CDKAL1: variants seen among roughly 807,000 people sequenced by gnomAD.
CDKAL1 encodes the protein CDKAL1 threonylcarbamoyladenosine tRNA methylthiotransferase.
CDKAL1 carries 32 observed loss-of-function variants against 68.2 expected under a neutral mutation model. That is an observed-to-expected ratio of 0.47 (90% CI 0.35 to 0.63). CDKAL1 has a LOEUF of 0.63. Ranked by LOEUF, CDKAL1 falls within the 30% of genes least tolerant of loss-of-function variation. The pLI is 0.00. For missense variants in CDKAL1, 606 were observed against 696.7 expected (o/e 0.87, Z 1.47); for synonymous variants, 234 against 244.3 (o/e 0.96, Z 0.39).
intron 15 of CDKAL1, among the ~76,000 whole-genome samples, chr6:21,221,700 G>C (rs1278740768): frequency 6.6e-6 from 1 of 152,174 alleles, no homozygotes; most frequent in Non-Finnish European, 1.5e-5. Context: ...TGAGATCTGA[G>C]CTATCAAACA....
At chr6:21,213,711 T>C (rs1035098102) in intron 15 of CDKAL1, among the ~76,000 whole-genome samples, 2 of 152,164 alleles carry the variant, frequency 1.3e-5, no homozygotes, top group East Asian at 3.9e-4. Context: ...TACTATATTA[T>C]CTGAAAATGA....
chr6:20,877,892 T>A (rs1760606148), intron 9 of CDKAL1, among the ~76,000 whole-genome samples: 1 of 152,182 alleles, frequency 6.6e-6, no homozygotes, highest in African/African-American at 2.4e-5. Context: ...GCCTTAGCCC[T>A]AACCACCCCA....
At chr6:20,928,843 C>A (rs1387741519) in intron 9 of CDKAL1, among the ~76,000 whole-genome samples, 1 of 151,786 alleles carries the variant, frequency 6.6e-6, no homozygotes, top group Non-Finnish European at 1.5e-5. Flanking sequence ...CTCCAGTATT[C>A]TTTTATAAGT....
At chr6:20,898,893 A>G (rs547117051) in intron 9 of CDKAL1, among the ~76,000 whole-genome samples, 3 of 152,256 alleles carry the variant, frequency 2.0e-5, no homozygotes, top group African/African-American at 7.2e-5. Context: ...CCCTGTACAG[A>G]ATATTAGTTC....
At chr6:21,184,732 C>T (rs1036522620) in intron 13 of CDKAL1, among the ~76,000 whole-genome samples, 4 of 151,974 alleles carry the variant, frequency 2.6e-5, no homozygotes, top group Non-Finnish European at 5.9e-5. Context: ...CTCACTGGTG[C>T]CTTGACCTCC....
chr6:21,148,421 C>CA (rs1182088737), intron 13 of CDKAL1, among the ~76,000 whole-genome samples: 2 of 152,250 alleles, frequency 1.3e-5, no homozygotes, highest in African/African-American at 2.4e-5. Flanking sequence ...ACCAGCTAGT[C>CA]AAAAAATCTA....
intron 8 of CDKAL1, among the ~76,000 whole-genome samples, chr6:20,799,046 T>TTTTTTG (rs1776248498): frequency 2.8e-5 from 3 of 106,716 alleles, no homozygotes; most frequent in Non-Finnish European, 5.6e-5. Flanking sequence ...CTGAGTTTTT[T>TTTTTTG]TTTTTTTTTT....
At chr6:21,191,302 G>A (rs1778227182) in intron 13 of CDKAL1, among the ~76,000 whole-genome samples, 2 of 152,212 alleles carry the variant, frequency 1.3e-5, no homozygotes, top group African/African-American at 4.8e-5. Context: ...GCAAGTGTGT[G>A]TTTTATCTGC....
At chr6:21,066,530 A>G (rs1771448044) in intron 12 of CDKAL1, among the ~76,000 whole-genome samples, 1 of 152,246 alleles carries the variant, frequency 6.6e-6, no homozygotes, top group South Asian at 2.1e-4. Flanking sequence ...GCAAATGCAT[A>G]TAGTAGTGCA....
chr6:20,942,646 C>T (rs1764041088), intron 9 of CDKAL1, among the ~76,000 whole-genome samples: 1 of 147,410 alleles, frequency 6.8e-6, no homozygotes, highest in Non-Finnish European at 1.5e-5. Context: ...GGATTACAGG[C>T]GTGAGCCACC....
At chr6:21,061,142 A>C (rs1771121518) in intron 11 of CDKAL1, among the ~76,000 whole-genome samples, 1 of 152,198 alleles carries the variant, frequency 6.6e-6, no homozygotes, top group Non-Finnish European at 1.5e-5. Flanking sequence ...GGCTAGAGCC[A>C]ACAAATAGTT....
At chr6:20,624,486 C>T (rs566992554) in intron 4 of CDKAL1, among the ~76,000 whole-genome samples, 9 of 151,992 alleles carry the variant, frequency 5.9e-5, no homozygotes, top group Admixed American at 4.6e-4. Context: ...GCTGCTGCAC[C>T]ATTTTATATA....
intron 5 of CDKAL1, among the ~76,000 whole-genome samples, chr6:20,709,767 G>A (rs1380519743): frequency 1.3e-5 from 2 of 152,096 alleles, no homozygotes; most frequent in African/African-American, 4.8e-5. Flanking sequence ...CATCCTTCAA[G>A]CTATTATTTT....
At chr6:21,001,334 C>T (rs1767417613) in intron 11 of CDKAL1, among the ~76,000 whole-genome samples, 1 of 152,034 alleles carries the variant, frequency 6.6e-6, no homozygotes, top group South Asian at 2.1e-4. Flanking sequence ...ATTATTTTTT[C>T]CACCTTTAAT....
intron 4 of CDKAL1, among the ~76,000 whole-genome samples, chr6:20,566,225 G>A (rs6918457): frequency 0.82 from 125,031 of 152,136 alleles, 51,952 homozygotes; most frequent in African/African-American, 0.95. Flanking sequence ...AGAAAGATCT[G>A]TCATGCAGAT....
intron 8 of CDKAL1, among the ~76,000 whole-genome samples, chr6:20,793,109 C>G (rs928041936): frequency 8.5e-5 from 13 of 152,116 alleles, no homozygotes; most frequent in African/African-American, 2.9e-4. Context: ...ACATATTGTT[C>G]TCACTCTGGA....
chr6:20,952,260 T>A (rs1489880440), intron 9 of CDKAL1, among the ~76,000 whole-genome samples: 1 of 152,076 alleles, frequency 6.6e-6, no homozygotes, highest in African/African-American at 2.4e-5. Context: ...GCCCGCCCCC[T>A]CTTTTTCATT....
intron 4 of CDKAL1, among the ~76,000 whole-genome samples, chr6:20,579,548 CTG>C (rs1295207915): frequency 6.6e-6 from 1 of 152,186 alleles, no homozygotes; most frequent in African/African-American, 2.4e-5. Context: ...TCTCAAAACT[CTG>C]TGAAGTGGGA....
chr6:20,542,852 A>G (rs530214425), intron 2 of CDKAL1, among the ~76,000 whole-genome samples: 2 of 152,310 alleles, frequency 1.3e-5, no homozygotes, highest in East Asian at 3.9e-4. Context: ...CCTGGCAACT[A>G]CTATTCTGTT....
Sources: gnomAD v4.1 joint callset for allele counts (sites outside exome capture counted in the v4.1 genomes callset) on GRCh38, gnomAD v4.1.1 for gene constraint, MANE v1.5 for transcripts, NCBI Gene and HGNC (gene_info 2026-07-23, HGNC 2026-07-21) for gene names.